Variants in ARHGAP26 observed in about 807,000 individuals in gnomAD.
ARHGAP26 encodes the protein rho GTPase-activating protein 26.
ARHGAP26 carries 38 observed loss-of-function variants against 104.8 expected under a neutral mutation model. The ratio of observed to expected loss-of-function variants is 0.36; its 90% CI spans 0.28 to 0.48. The LOEUF (loss-of-function observed/expected upper bound fraction) is 0.48, where lower values mean the gene tolerates loss of function less well. Among genes scored for constraint, ARHGAP26 ranks in the 20% least tolerant of loss-of-function variants. The pLI is 0.99. For synonymous variants in ARHGAP26, 341 were observed against 340.0 expected, an observed-to-expected ratio of 1.00 and a Z score of -0.03; for missense variants, 704 against 947.9, an observed-to-expected ratio of 0.74 and a Z score of 3.38.
chr5:143,029,392 G>GTTTTTTTTTTTTTTTTTTTTTTTTTTT (rs536919888), intron 12 of ARHGAP26, among the ~76,000 whole-genome samples: 2 of 80,812 alleles, frequency 2.5e-5, no homozygotes, highest in African/African-American at 4.4e-5. Context: ...TTACTTCTCA[G>GTTTTTTTTTTTTTTTTTTTTTTTTTTT]TTTTTTTTTT....
chr5:143,182,490 C>T (rs1275730948), intron 20 of ARHGAP26, among the ~76,000 whole-genome samples: 1 of 152,180 alleles, frequency 6.6e-6, no homozygotes, highest in Non-Finnish European at 1.5e-5. Context: ...AGGACAAGAC[C>T]TGGCTCTGAT....
chr5:142,786,653 AAT>A (rs1491141770), intron 1 of ARHGAP26, among the ~76,000 whole-genome samples: 2 of 135,202 alleles, frequency 1.5e-5, no homozygotes, highest in African/African-American at 6.4e-5. Context: ...GGAGTTCTAG[AAT>A]TTTTTTTTTT....
At position 142,971,337 on chromosome 5, in the gene ARHGAP26, A is replaced by G. The variant is rs190743595; in HGVS notation, c.1107+39212A>G. ...TTTGAAGAGAATGAAATTGCAGGAGAAGGAAAGCATCTATATCTTGGAAGG... is the reference window on the plus strand; with the variant it reads ...TTTGAAGAGAATGAAATTGCAGGAGGAGGAAAGCATCTATATCTTGGAAGG... On this transcript the variant is annotated intron_variant, in intron 11 of 22. Transcript: ENST00000645722. Among the ~76,000 whole-genome samples the G allele has an allele frequency of 4.1e-4, 62 of 152,300 alleles. 1 individual carries two copies. Among genetic ancestry groups the G allele is most frequent in the African/African-American group, 1.5e-3 (61 of 41,562 alleles).
Position 143,152,463 on chromosome 5 carries a change from C to T in ARHGAP26, c.1988+5082C>T, listed in dbSNP as rs192021809. Among the ~76,000 whole-genome samples the T allele has an allele frequency of 2.6e-5, 4 of 152,312 alleles. No homozygotes were observed. The East Asian group carries it at 5.8e-4, about 22-fold the overall frequency. The stretch of plus-strand genomic sequence containing the variant: ...TGAAGTGTCAGAAGAGTTGGTTACA[C>T]TAAACCTATGTGAAACTTGGGAGCA... On this transcript the variant is annotated intron_variant, in intron 20 of 22. Transcript: ENST00000645722.
chr5:142,983,511 C>T (rs971390661), intron 11 of ARHGAP26, among the ~76,000 whole-genome samples: 2 of 152,202 alleles, frequency 1.3e-5, no homozygotes, highest in Non-Finnish European at 2.9e-5. Context: ...CAGCCTGGTC[C>T]TTTGTTTCTA....
chr5:143,045,654 G>T (rs1345634302), intron 14 of ARHGAP26, among the ~76,000 whole-genome samples: 1 of 152,186 alleles, frequency 6.6e-6, no homozygotes, highest in Non-Finnish European at 1.5e-5. Flanking sequence ...TGTAAGATTT[G>T]GTTTATCTGT....
chr5:142,843,351 C>G (rs1036789119), intron 1 of ARHGAP26, among the ~76,000 whole-genome samples: 3 of 152,188 alleles, frequency 2.0e-5, no homozygotes, highest in Non-Finnish European at 4.4e-5. Flanking sequence ...TTCAGGGATG[C>G]AGGGACATGG....
chr5:143,119,163 T>C (rs776565776), intron 17 of ARHGAP26, among the ~76,000 whole-genome samples: 7 of 152,184 alleles, frequency 4.6e-5, no homozygotes, highest in East Asian at 3.8e-4. Context: ...TCAGGAACCC[T>C]AGTTAGGAGG....
rs558863230 is a variant in ARHGAP26, at chr5:142,937,168, T to TTAAA, written c.1107+5063_1107+5066dup. Reference sequence around the variant, plus strand: ...ATCTAGTTCTTTTTTAGATCTAGGATTAAATAAATAAATAAATAAATAAGA... The same window carrying TTAAA: ...ATCTAGTTCTTTTTTAGATCTAGGATTAAATAAATAAATAAATAAATAAATAAGA... On this transcript the variant is annotated intron_variant, in intron 11 of 22. Coordinates refer to ENST00000645722, the MANE Select transcript of ARHGAP26 (RefSeq NM_001135608.3). 5.0e-4 allele frequency among the ~76,000 whole-genome samples: 76 copies of TTAAA among 151,968 alleles called. No individual in the cohort carries two copies. The Middle Eastern group carries it at 0.01, about 20-fold the overall frequency.
At chr5:142,861,334 C>G (rs1597959089) in intron 1 of ARHGAP26, among the ~76,000 whole-genome samples, 1 of 150,848 alleles carries the variant, frequency 6.6e-6, no homozygotes, top group African/African-American at 2.4e-5. Context: ...TGGCTTTGTT[C>G]AGAATGGCTA....
At chr5:142,818,937 G>A (rs574549099) in intron 1 of ARHGAP26, among the ~76,000 whole-genome samples, 32 of 152,234 alleles carry the variant, frequency 2.1e-4, no homozygotes, top group African/African-American at 6.7e-4. Context: ...TATCTGGGAA[G>A]GGTGCTCACC....
intron 21 of ARHGAP26, among the ~76,000 whole-genome samples, chr5:143,209,866 C>T (rs1235115040): frequency 6.6e-6 from 1 of 151,914 alleles, no homozygotes. Flanking sequence ...GAGGAGCTAG[C>T]CCATCAGAGG....
chr5:142,995,747 G>A (rs1776284358), intron 11 of ARHGAP26, among the ~76,000 whole-genome samples: 1 of 152,114 alleles, frequency 6.6e-6, no homozygotes, highest in African/African-American at 2.4e-5. Context: ...CAATAACAAA[G>A]ACTTGGAACC....
At chr5:143,003,923 A>G (rs577310634) in intron 11 of ARHGAP26, among the ~76,000 whole-genome samples, 1 of 150,828 alleles carries the variant, frequency 6.6e-6, no homozygotes, top group African/African-American at 2.4e-5. Flanking sequence ...AGTTTAATTG[A>G]GCTATGAACA....
intron 1 of ARHGAP26, among the ~76,000 whole-genome samples, chr5:142,822,752 C>T (rs417020): frequency 0.29 from 44,447 of 152,094 alleles, 8,787 homozygotes; most frequent in African/African-American, 0.54. Context: ...GTGCTTCTTA[C>T]TGGTCTTCAT....
rs1755318311 is a variant in ARHGAP26 at position 142,871,620 on chromosome 5, A to G, written c.155-1780A>G. Among the ~76,000 whole-genome samples, 1 of 152,094 alleles carries G rather than the reference A, an allele frequency of 6.6e-6. No homozygotes were observed. Among genetic ancestry groups the G allele is most frequent in the Non-Finnish European group, 1.5e-5 (1 of 68,008 alleles). ...AGAACATTGTCTTCCACTCTAAAATATTATTCTTTCCCTTTTTTCTTGTGT... is the reference window on the plus strand; with the variant it reads ...AGAACATTGTCTTCCACTCTAAAATGTTATTCTTTCCCTTTTTTCTTGTGT... On this transcript the variant is annotated intron_variant, in intron 1 of 22. Coordinates refer to ENST00000645722, the MANE Select transcript of ARHGAP26 (RefSeq NM_001135608.3). The surrounding 1 kb of genome is among the most constrained non-coding windows in gnomAD (Gnocchi z 4.1).
At chr5:143,001,308 G>A (rs1357814342) in intron 11 of ARHGAP26, among the ~76,000 whole-genome samples, 1 of 152,114 alleles carries the variant, frequency 6.6e-6, no homozygotes, top group African/African-American at 2.4e-5. Flanking sequence ...TAAGAATTAT[G>A]TATTTTATTG....
At chr5:142,795,037 ATCTTCT>A (rs113118027) in intron 1 of ARHGAP26, among the ~76,000 whole-genome samples, 2 of 151,962 alleles carry the variant, frequency 1.3e-5, no homozygotes, top group African/African-American at 4.8e-5. Context: ...TCTCTGTCAT[ATCTTCT>A]TCTTCTTTTT....
chr5:143,064,956 C>G (rs573605433), intron 17 of ARHGAP26, among the ~76,000 whole-genome samples: 21 of 152,220 alleles, frequency 1.4e-4, no homozygotes, highest in Middle Eastern at 3.4e-3. Flanking sequence ...ATTTGGGTCT[C>G]TTGTTTGTTT....
Sources: allele counts gnomAD v4.1 joint callset (sites outside exome capture counted in the v4.1 genomes callset), GRCh38; gene constraint gnomAD v4.1.1; non-coding constraint Gnocchi (gnomAD v3.1); transcripts MANE v1.5; gene names NCBI Gene and HGNC (gene_info 2026-07-23, HGNC 2026-07-21).